The following MTUS2 variants were observed in gnomAD, a reference collection of about 807,000 sequenced individuals.
MTUS2 encodes microtubule associated scaffold protein 2.
MTUS2 carries 40 observed loss-of-function variants against 114.1 expected under a neutral mutation model. That is an observed-to-expected ratio of 0.35 (90% confidence interval 0.27 to 0.46). The LOEUF (loss-of-function observed/expected upper bound fraction) is 0.46, where lower values mean the gene tolerates loss of function less well. Ranked by LOEUF, MTUS2 falls within the 20% of genes least tolerant of loss-of-function variation. MTUS2 has a pLI of 1.00. For synonymous variants in MTUS2, 688 were observed against 672.0 expected (o/e 1.02, Z -0.37); for missense variants, 1,679 against 1,705.4 (o/e 0.98, Z 0.27).
At position 29,389,825 on chromosome 13, in the gene MTUS2, A is replaced by G. The variant is rs1386849468; in HGVS notation, c.3117+30352A>G. Among the ~76,000 whole-genome samples the G allele has an allele frequency of 1.7e-4, 2 of 11,928 alleles. 1 individual carries two copies. The highest frequency in any genetic ancestry group is 3.0e-4 in the African/African-American group (2 of 6,722). 7.8% of individuals were successfully genotyped at this position (11,928 alleles called of 152,430 possible). A position where few individuals can be genotyped will look rare whatever the true frequency, so the allele number is the denominator to read the frequency against. ...TACATATGTGTATATATACATACAT[A>G]TGTGTATATATACATACATATGTGT... On this transcript the variant is annotated intron_variant, in intron 8 of 15. Transcript: ENST00000612955.
chr13:28,886,962 C>A (rs1438352182), intron 2 of MTUS2, among the ~76,000 whole-genome samples: 1 of 152,110 alleles, frequency 6.6e-6, no homozygotes, highest in Non-Finnish European at 1.5e-5. Flanking sequence ...CGCTAGGAGG[C>A]CAGTGTCTCT....
intron 8 of MTUS2, among the ~76,000 whole-genome samples, chr13:29,412,034 T>C (rs1333293513): frequency 6.6e-6 from 1 of 152,252 alleles, no homozygotes; most frequent in Non-Finnish European, 1.5e-5. Flanking sequence ...AAATAGAGAC[T>C]GTTTTACTTT....
At chr13:28,876,795 A>G (rs1343356152) in intron 2 of MTUS2, among the ~76,000 whole-genome samples, 1 of 152,188 alleles carries the variant, frequency 6.6e-6, no homozygotes. Context: ...CACGCTGGGT[A>G]AATGATCAAA....
At chr13:29,294,874 A>G (rs1460042129) in intron 6 of MTUS2, among the ~76,000 whole-genome samples, 1 of 152,222 alleles carries the variant, frequency 6.6e-6, no homozygotes, top group Non-Finnish European at 1.5e-5. Flanking sequence ...GACCTTGGGC[A>G]TGCAAAATGC....
At chr13:29,128,440 A>G (rs959211059) in intron 5 of MTUS2, among the ~76,000 whole-genome samples, 13 of 152,186 alleles carry the variant, frequency 8.5e-5, no homozygotes, top group African/African-American at 3.1e-4. Flanking sequence ...AGAGGAAAGG[A>G]TGGGCAAAAG....
chr13:29,401,754 A>G (rs1265969713), intron 8 of MTUS2, among the ~76,000 whole-genome samples: 1 of 152,204 alleles, frequency 6.6e-6, no homozygotes, highest in Non-Finnish European at 1.5e-5. Flanking sequence ...ACTATGGTTT[A>G]TAACAAAATT....
intron 2 of MTUS2, among the ~76,000 whole-genome samples, chr13:28,867,140 T>G (rs1877345081): frequency 6.6e-6 from 1 of 152,206 alleles, no homozygotes; most frequent in South Asian, 2.1e-4. Context: ...GCTGGTCTAA[T>G]CTTGTGCAAG....
intron 9 of MTUS2, among the ~76,000 whole-genome samples, chr13:29,461,927 G>T (rs1879525417): frequency 1.3e-5 from 2 of 152,156 alleles, no homozygotes; most frequent in Admixed American, 1.3e-4. Context: ...CTCTGAGCCT[G>T]GGGGAGGGAT....
chr13:29,031,746 T>C (rs1268919210), intron 3 of MTUS2, among the ~76,000 whole-genome samples: 1 of 151,896 alleles, frequency 6.6e-6, no homozygotes, highest in Non-Finnish European at 1.5e-5. Context: ...ACCAAATATC[T>C]GGGTATTGCA....
At chr13:28,963,194 A>G (rs997648184) in intron 2 of MTUS2, among the ~76,000 whole-genome samples, 2 of 152,004 alleles carry the variant, frequency 1.3e-5, no homozygotes, top group African/African-American at 4.8e-5. Context: ...TACTAAAAAT[A>G]TAAAAAATTA....
chr13:29,258,569 A>G (rs1324816905), intron 5 of MTUS2, among the ~76,000 whole-genome samples: 4 of 152,330 alleles, frequency 2.6e-5, no homozygotes, highest in African/African-American at 7.2e-5. Flanking sequence ...CATACAACCT[A>G]CAACACGTGC....
At chr13:29,391,394 C>A (rs1873446812) in intron 8 of MTUS2, among the ~76,000 whole-genome samples, 1 of 152,206 alleles carries the variant, frequency 6.6e-6, no homozygotes, top group African/African-American at 2.4e-5. Flanking sequence ...ACTCCGGTTA[C>A]AACTGTAGTG....
chr13:29,079,685 G>A (rs539356269), intron 4 of MTUS2, among the ~76,000 whole-genome samples: 62 of 152,240 alleles, frequency 4.1e-4, no homozygotes, highest in African/African-American at 1.4e-3. Context: ...TGGCAACCTT[G>A]ATGAAATTTA....
chr13:29,112,518 G>A (rs566244543), intron 5 of MTUS2, among the ~76,000 whole-genome samples: 2 of 152,320 alleles, frequency 1.3e-5, no homozygotes, highest in South Asian at 4.2e-4. Flanking sequence ...GGTAAAGGTG[G>A]AGAGTGTCTA....
At chr13:28,968,549 C>A (rs1019673806) in intron 2 of MTUS2, among the ~76,000 whole-genome samples, 1 of 152,120 alleles carries the variant, frequency 6.6e-6, no homozygotes, top group African/African-American at 2.4e-5. Context: ...CCTGGGATTT[C>A]AACTTAACAG....
chr13:29,203,521 G>A (rs535030991), intron 5 of MTUS2, among the ~76,000 whole-genome samples: 1 of 149,284 alleles, frequency 6.7e-6, no homozygotes, highest in East Asian at 2.0e-4. Context: ...GGGAGTGAAT[G>A]GTTTTGTCTC....
At chr13:29,215,427 T>TGGA (rs200510260) in intron 5 of MTUS2, among the ~76,000 whole-genome samples, 3,694 of 151,634 alleles carry the variant, frequency 0.024, 149 homozygotes, top group African/African-American at 0.084. Flanking sequence ...TGTGATCCTT[T>TGGA]GGAGAAGAGG....
chr13:29,282,290 C>G (rs892118718), intron 6 of MTUS2, among the ~76,000 whole-genome samples: 6 of 152,212 alleles, frequency 3.9e-5, no homozygotes, highest in African/African-American at 1.4e-4. Context: ...CCTGCTGGCT[C>G]TAGGCTCACA....
At chr13:29,494,760 T>C (rs1182282094) in intron 12 of MTUS2, among the ~76,000 whole-genome samples, 1 of 152,096 alleles carries the variant, frequency 6.6e-6, no homozygotes, top group African/African-American at 2.4e-5. Flanking sequence ...GGAAGTAGGC[T>C]GGGCACGGTG....
Sources: allele counts gnomAD v4.1 joint callset (sites outside exome capture counted in the v4.1 genomes callset), GRCh38; gene constraint gnomAD v4.1.1; transcripts MANE v1.5; gene names NCBI Gene and HGNC (gene_info 2026-07-23, HGNC 2026-07-21).